Variants in SNAPC4 observed in about 807,000 individuals in gnomAD.
SNAPC4 encodes small nuclear RNA activating complex polypeptide 4.
A neutral mutation model predicts 151.3 loss-of-function variants in SNAPC4; 127 were observed. The ratio of observed to expected loss-of-function variants is 0.84; its 90% CI spans 0.73 to 0.97. The LOEUF is 0.97. Ranked by LOEUF, SNAPC4 falls within the 50% of genes least tolerant of loss-of-function variation. The probability of loss-of-function intolerance (pLI) is 0.00; values close to 1 mark genes in which losing one functional copy is unlikely to be tolerated. For synonymous variants in SNAPC4, 1,002 were observed against 824.4 expected (o/e 1.22, Z -3.69); for missense variants, 2,186 against 1,935.0 (o/e 1.13, Z -2.43).
At position 136,395,282 on chromosome 9, in the gene SNAPC4, G is replaced by A; in HGVS notation, c.471+16C>T. 6.2e-7 allele frequency: 1 copy of A among 1,611,054 alleles called. No homozygotes were observed. Among genetic ancestry groups the A allele is most frequent in the Non-Finnish European group, 8.5e-7 (1 of 1,178,552 alleles). On this transcript the variant is annotated intron_variant, in intron 5 of 23. Transcript: ENST00000684778. ...TGCAGAGCCTTGCCGACAAGAGCAG[G>A]GCCTCGGCCACTCACCACGCCCGTG... is the stretch of plus-strand genomic sequence containing the variant.
chr9:136,390,338 A>G (rs10870113), intron 10 of SNAPC4, among the ~76,000 whole-genome samples: 56,986 of 151,816 alleles, frequency 0.38, 11,044 homozygotes, highest in Admixed American at 0.47. Context: ...GGCAGATCAC[A>G]ACGTCAGGAG....
intron 9 of SNAPC4, among the ~76,000 whole-genome samples, 186 bp from the exon 10 acceptor site, chr9:136,392,292 C>T (rs931663105): frequency 6.6e-5 from 10 of 152,258 alleles, no homozygotes; most frequent in African/African-American, 9.6e-5. Flanking sequence ...GATGCAAGGC[C>T]GGGAGCCCTC....
At chr9:136,396,183 G>C (rs1452634932) in intron 3 of SNAPC4, among the ~76,000 whole-genome samples, 1 of 152,248 alleles carries the variant, frequency 6.6e-6, no homozygotes, top group Non-Finnish European at 1.5e-5. Flanking sequence ...GAGCCAGGAA[G>C]TGGACGCAGT....
At chr9:136,392,477 G>A (rs370124076) in intron 9 of SNAPC4, 45 bp downstream of exon 9, 5 of 1,579,172 alleles carry the variant, frequency 3.2e-6, no homozygotes, top group African/African-American at 2.7e-5. Context: ...GCTACAGGGA[G>A]CTGTGCTCCA....
In SNAPC4 at chr9:136,398,445, C is replaced by G. The variant is rs1834348590; in HGVS notation, c.-9-8G>C. 6.2e-7 allele frequency: 1 copy of G among 1,609,224 alleles called. No homozygotes were observed. The highest frequency in any genetic ancestry group is 1.3e-5 in the African/African-American group (1 of 74,788). On this transcript the variant is annotated splice_region_variant and splice_polypyrimidine_tract_variant and intron_variant, in intron 1 of 23. Transcript: ENST00000684778. ...TACATCCATGACTCCCGCCTGCCTC[C>G]AAAACACACCCCGAGATGTTAGAAA... is the stretch of plus-strand genomic sequence containing the variant.
At chr9:136,392,399 G>T in intron 9 of SNAPC4, 123 bp downstream of exon 9, 3 of 997,950 alleles carry the variant, frequency 3.0e-6, no homozygotes, top group East Asian at 2.4e-5. Context: ...CCGGGTGGGT[G>T]GGGGGTCACA....
At position 136,395,783 on chromosome 9, in the gene SNAPC4, C is replaced by G; in HGVS notation, c.178-13G>C. On this transcript the variant is annotated splice_polypyrimidine_tract_variant and intron_variant, in intron 3 of 23. Transcript: ENST00000684778. Reference sequence around the variant, plus strand: ...ACCTTTCTTCTTCCTGGTAACGAGCCAGAAATGGCATGTGACGAGATGAGA... The same window carrying G: ...ACCTTTCTTCTTCCTGGTAACGAGCGAGAAATGGCATGTGACGAGATGAGA... 1 of 1,606,844 alleles carries G rather than the reference C, an allele frequency of 6.2e-7. No individual in the cohort carries two copies. The highest frequency in any genetic ancestry group is 8.5e-7 in the Non-Finnish European group (1 of 1,175,076).
chr9:136,377,383 CT>C (rs1172084490), intron 22 of SNAPC4, among the ~76,000 whole-genome samples, 159 bp downstream of exon 22: 1 of 152,232 alleles, frequency 6.6e-6, no homozygotes, highest in African/African-American at 2.4e-5. Context: ...CTACACGCAA[CT>C]GGGCAGGCCA....
chr9:136,392,550 T>G lies in SNAPC4; in HGVS notation c.782A>C (p.His261Pro). The change falls in exon 9 of 24, where the codon CAC becomes CCC. Residue 261 changes from histidine to proline, a missense_variant. Coordinates refer to ENST00000684778, the MANE Select transcript of SNAPC4 (RefSeq NM_003086.4). The part of the protein sequence containing the change: ...EALLGNRLDS[H>P]DWEKISNINF... ...AATATTGGAAATCTTCTCCCAGTCGTGGCTGTCCAGCCTGTTTCCCAGCAA... is the reference window on the plus strand; with the variant it reads ...AATATTGGAAATCTTCTCCCAGTCGGGGCTGTCCAGCCTGTTTCCCAGCAA... 14 of 1,613,868 alleles carry G rather than the reference T, an allele frequency of 8.7e-6. No individual in the cohort carries two copies. Among genetic ancestry groups the G allele is most frequent in the Non-Finnish European group, 1.2e-5 (14 of 1,180,034 alleles).
intron 10 of SNAPC4, among the ~76,000 whole-genome samples, chr9:136,390,846 T>A (rs915458098): frequency 6.6e-6 from 1 of 151,806 alleles, no homozygotes; most frequent in Non-Finnish European, 1.5e-5. Flanking sequence ...ATTTATTTTT[T>A]TTTTTTTTGA....
chr9:136,387,531 T>C lies in SNAPC4; in HGVS notation c.1279A>G (p.Ile427Val). Reference sequence around the variant, plus strand: ...CTCCTACCTGGCACCTCTTCCCGGATTTTAAACCAATCCTGCTCCCCGTAT... The same window carrying C: ...CTCCTACCTGGCACCTCTTCCCGGACTTTAAACCAATCCTGCTCCCCGTAT... ...AKYGEQDWFK[I>V]REEVPGRSDA... Residue 427 changes from isoleucine (I) to valine (V), a missense_variant, in exon 13 of 24, where the codon ATC becomes GTC. Ile to Val is a conservative substitution (Grantham distance 29). Coordinates refer to ENST00000684778, the MANE Select transcript of SNAPC4 (RefSeq NM_003086.4). 1 of 1,613,988 alleles carries C rather than the reference T, an allele frequency of 6.2e-7. No homozygotes were observed. Among genetic ancestry groups the C allele is most frequent in the African/African-American group, 1.3e-5 (1 of 75,046 alleles).
Position 136,379,259 on chromosome 9 carries a change from CTT to C in SNAPC4, c.2566_2567del (p.Lys856GlufsTer183), listed in dbSNP as rs376046931. Reference protein sequence around the residue: ...FPNVPAQEASKSASHKGSRRL... With the variant: ...FPNVPAQEASXSASHKGSRRL... ...TTCGGCTCCCTTTGTGGCTGGCACT[CTT>C]TGAGGCTTCTTGAGCCGGCACGTTT... On this transcript the variant is annotated frameshift_variant, in exon 22 of 24. Coordinates refer to ENST00000684778, the MANE Select transcript of SNAPC4 (RefSeq NM_003086.4). LOFTEE classifies it high-confidence loss of function. 6 of 1,612,506 alleles carry C rather than the reference CTT, an allele frequency of 3.7e-6. No individual in the cohort carries two copies. Among genetic ancestry groups the C allele is most frequent in the Admixed American group, 1.7e-5 (1 of 59,978 alleles).
At chr9:136,385,525 G>C (rs1333336668) in intron 13 of SNAPC4, among the ~76,000 whole-genome samples, 2 of 151,906 alleles carry the variant, frequency 1.3e-5, no homozygotes, top group African/African-American at 4.8e-5. Flanking sequence ...AGAATTTACA[G>C]AAACGCGGTA....
chr9:136,382,446 G>C, intron 16 of SNAPC4, 110 bp from the exon 17 acceptor site: 1 of 902,908 alleles, frequency 1.1e-6, no homozygotes, highest in Non-Finnish European at 1.8e-6. Context: ...CCAAAGCGTG[G>C]CTGTGTACAG....
At position 136,378,491 on chromosome 9, in the gene SNAPC4, C is replaced by A; in HGVS notation, c.3336G>T (p.Leu1112=). The A allele has an allele frequency of 6.3e-7, 1 of 1,591,258 alleles. No homozygotes were observed. Among genetic ancestry groups the A allele is most frequent in the Non-Finnish European group, 8.5e-7 (1 of 1,174,558 alleles). ...CCCGAGTCTCAGTCAGGGGAGGCAG[C>A]AGAGTGGCCAGCAGCCCTGCGGGGC... ...TPGPAGLLAT[L]LPPLTETRAA... The change falls in exon 22 of 24, where the codon CTG becomes CTT. Residue 1112 remains leucine, a synonymous_variant. Coordinates refer to ENST00000684778, the MANE Select transcript of SNAPC4 (RefSeq NM_003086.4).
In SNAPC4 at chr9:136,392,114, G is replaced by A. The variant is rs371079750; in HGVS notation, c.811-8C>T. On this transcript the variant is annotated splice_polypyrimidine_tract_variant and splice_region_variant and intron_variant, in intron 9 of 23. Coordinates refer to ENST00000684778, the MANE Select transcript of SNAPC4 (RefSeq NM_003086.4). ...ACTGCGGCTGCCTTCAAACTGCACC[G>A]ACAGAGACACTCAGCCTTGCAGGCC... The A allele has an allele frequency of 8.1e-6, 13 of 1,611,006 alleles. No individual in the cohort carries two copies. The highest frequency in any genetic ancestry group is 3.3e-5 in the South Asian group (3 of 91,084).
chr9:136,398,200 A>C, intron 2 of SNAPC4, 99 bp downstream of exon 2: 1 of 1,322,356 alleles, frequency 7.6e-7, no homozygotes, highest in Admixed American at 2.4e-5. Context: ...GAGAAACCAC[A>C]CCCGGCTACC....
Position 136,388,478 on chromosome 9 carries a change from C to T in SNAPC4, c.1089G>A (p.Glu363=). ...AGGGGATGTGGCTGCCGACGCGCAT[C>T]TCCTGCACCAGCTGCGTGAGCATGC... ...EDRMLTQLVQ[E]MRVGSHIPYR... The change falls in exon 11 of 24, where the codon GAG becomes GAA. Residue 363 remains glutamate, a synonymous_variant. Transcript: ENST00000684778. The T allele has an allele frequency of 6.2e-7, 1 of 1,612,828 alleles. No individual in the cohort carries two copies. Among genetic ancestry groups the T allele is most frequent in the Non-Finnish European group, 8.5e-7 (1 of 1,179,562 alleles).
Position 136,395,319 on chromosome 9 carries a change from G to A in SNAPC4, c.450C>T (p.Phe150=). 6.2e-7 allele frequency: 1 copy of A among 1,613,590 alleles called. No individual in the cohort carries two copies. Among genetic ancestry groups the A allele is most frequent in the Admixed American group, 1.7e-5 (1 of 60,008 alleles). ...TCACCACGCCCGTGACCTTGTCCTT[G>A]AAATACGGCTTCATGAAGTGCCCCA... The part of the protein sequence containing the change: ...TYMGHFMKPY[F]KDKVTGVGPP... The change falls in exon 5 of 24, where the codon TTC becomes TTT. Residue 150 remains phenylalanine (F), a synonymous_variant. Coordinates refer to ENST00000684778, the MANE Select transcript of SNAPC4 (RefSeq NM_003086.4).
Sources: gnomAD v4.1 joint callset for allele counts (sites outside exome capture counted in the v4.1 genomes callset) on GRCh38, gnomAD v4.1.1 for gene constraint, MANE v1.5 for transcripts, NCBI Gene and HGNC (gene_info 2026-07-23, HGNC 2026-07-21) for gene names.